The following TEKT5 variants were observed in gnomAD, a reference collection of about 807,000 sequenced individuals.
TEKT5 encodes tektin 5.
In TEKT5, 52 loss-of-function variants were observed where a neutral mutation model predicts 48.7. That is an observed-to-expected ratio of 1.07 (90% CI 0.86 to 1.35). TEKT5 has a LOEUF of 1.35. Among genes scored for constraint, TEKT5 ranks in the 40% most tolerant of loss-of-function variants. The pLI is 0.00. For missense variants in TEKT5, 831 were observed against 641.6 expected (o/e 1.30, Z -3.19); for synonymous variants, 318 against 267.6 (o/e 1.19, Z -1.84).
At chr16:10,656,716 G>C (rs1898268441) in intron 5 of TEKT5, among the ~76,000 whole-genome samples, 1 of 152,186 alleles carries the variant, frequency 6.6e-6, no homozygotes, top group Non-Finnish European at 1.5e-5. Flanking sequence ...CTCTAGAAAG[G>C]TATTCAACTG....
chr16:10,663,204 C>T (rs1025417330), intron 5 of TEKT5, among the ~76,000 whole-genome samples: 20 of 152,158 alleles, frequency 1.3e-4, no homozygotes, highest in Non-Finnish European at 2.8e-4. Flanking sequence ...CCTGGCTGGA[C>T]TAGAAATCCA....
In TEKT5 at chr16:10,646,383, T is replaced by C. The variant is rs371770978; in HGVS notation, c.1087-10465A>G. Among the ~76,000 whole-genome samples the C allele has an allele frequency of 1.6e-4, 25 of 152,270 alleles. No individual in the cohort carries two copies. In the South Asian group the frequency reaches 5.2e-3, roughly 32 times the overall value. ...ATCCTGCCCATCTCGGATTTTAAGA[T>C]AGGGGAAAACTGATTACACAGTAAA... On this transcript the variant is annotated intron_variant, in intron 5 of 6. Coordinates refer to ENST00000283025, the MANE Select transcript of TEKT5 (RefSeq NM_144674.2).
At position 10,694,733 on chromosome 16, in the gene TEKT5, G is replaced by A; in HGVS notation, c.141C>T (p.Leu47=). Residue 47 remains leucine (L), a synonymous_variant, in exon 1 of 7, where the codon CTC becomes CTT. Coordinates refer to ENST00000283025, the MANE Select transcript of TEKT5 (RefSeq NM_144674.2). Reference sequence around the variant, plus strand: ...AGAAGAGGCTAGGCCTCCATGAATTGAGGTAGCGGTACCCGGGCAGGTAGT... The same window carrying A: ...AGAAGAGGCTAGGCCTCCATGAATTAAGGTAGCGGTACCCGGGCAGGTAGT... ...QPYYLPGYRY[L]NSWRPSLFYK... The A allele has an allele frequency of 6.2e-7, 1 of 1,614,124 alleles. No homozygotes were observed. The highest frequency in any genetic ancestry group is 8.5e-7 in the Non-Finnish European group (1 of 1,179,958).
chr16:10,640,148 C>CCCT (rs1567225379), intron 5 of TEKT5, among the ~76,000 whole-genome samples: 2 of 145,970 alleles, frequency 1.4e-5, no homozygotes, highest in Admixed American at 6.9e-5. Flanking sequence ...CCCTTTCTTC[C>CCCT]CCTCCTCCTC....
chr16:10,654,322 A>T (rs1898221031), intron 5 of TEKT5, among the ~76,000 whole-genome samples: 1 of 152,166 alleles, frequency 6.6e-6, no homozygotes, highest in Non-Finnish European at 1.5e-5. Flanking sequence ...AAGTGCTGGG[A>T]TTACAGATGT....
At chr16:10,665,596 T>G (rs1224844484) in intron 5 of TEKT5, among the ~76,000 whole-genome samples, 1 of 152,136 alleles carries the variant, frequency 6.6e-6, no homozygotes, top group Admixed American at 6.5e-5. Context: ...CCTCTCCCAT[T>G]TGGCATAGTG....
rs74381031 is a variant in TEKT5 at position 10,669,628 on chromosome 16, G to C, written c.1086+6331C>G. ...ACACATATAATATTTCACCTGCCAG[G>C]GTCTAGTTCCCACAATGTCAGAATA... On this transcript the variant is annotated intron_variant, in intron 5 of 6. Transcript: ENST00000283025. 5.3e-3 allele frequency among the ~76,000 whole-genome samples: 807 copies of C among 152,146 alleles called. 9 individuals are homozygous for C. The highest frequency in any genetic ancestry group is 0.019 in the African/African-American group (771 of 41,478).
rs779755995 is a variant in TEKT5 at position 10,627,740 on chromosome 16, C to T, written c.1301G>A (p.Arg434Gln). Reference sequence around the variant, plus strand: ...CAGCTGCAGCGTGTCCTGTGTCTCCCGCAGCCGCAGCTTGAGGGTCTGCAG... The same window carrying T: ...CAGCTGCAGCGTGTCCTGTGTCTCCTGCAGCCGCAGCTTGAGGGTCTGCAG... ...DTLQTLKLRL[R>Q]ETQDTLQLLV... Residue 434 changes from arginine to glutamine, a missense_variant, in exon 7 of 7, where the codon CGG becomes CAG. Transcript: ENST00000283025. 19 of 1,614,204 alleles carry T rather than the reference C, an allele frequency of 1.2e-5. No homozygotes were observed. The highest frequency in any genetic ancestry group is 6.7e-5 in the Admixed American group (4 of 60,032).
intron 4 of TEKT5, among the ~76,000 whole-genome samples, chr16:10,680,158 C>T (rs1186852264): frequency 6.6e-6 from 1 of 152,230 alleles, no homozygotes; most frequent in Non-Finnish European, 1.5e-5. Context: ...CCCCCAAAGT[C>T]CTGCTCACCT....
chr16:10,651,886 C>G (rs1425574091), intron 5 of TEKT5, among the ~76,000 whole-genome samples: 1 of 152,078 alleles, frequency 6.6e-6, no homozygotes, highest in African/African-American at 2.4e-5. Flanking sequence ...CACTTGAACC[C>G]GGGAGGCAGA....
At chr16:10,652,408 C>G in intron 5 of TEKT5, among the ~76,000 whole-genome samples, 1 of 151,228 alleles carries the variant, frequency 6.6e-6, no homozygotes, top group Non-Finnish European at 1.5e-5. Context: ...CACACACACA[C>G]ACCCTCCAGG....
At chr16:10,675,406 A>C (rs2719709) in intron 5 of TEKT5, among the ~76,000 whole-genome samples, 76,927 of 151,948 alleles carry the variant, frequency 0.51, 21,234 homozygotes, top group East Asian at 0.81. Context: ...AGGTGTGAAA[A>C]AGCATGACGC....
At chr16:10,652,494 A>ACACACACC (rs1491427175) in intron 5 of TEKT5, among the ~76,000 whole-genome samples, 1 of 73,082 alleles carries the variant, frequency 1.4e-5, no homozygotes, top group African/African-American at 6.2e-5. Context: ...ACACACACAC[A>ACACACACC]CCCTCCAGGC....
At chr16:10,636,177 T>C (rs563467079) in intron 5 of TEKT5, among the ~76,000 whole-genome samples, 27 of 152,016 alleles carry the variant, frequency 1.8e-4, no homozygotes, top group Admixed American at 3.3e-4. Context: ...GGGTTCTAGA[T>C]CAGCCTGGCC....
intron 4 of TEKT5, among the ~76,000 whole-genome samples, chr16:10,677,126 G>A (rs1302306917): frequency 6.6e-6 from 1 of 152,166 alleles, no homozygotes; most frequent in Non-Finnish European, 1.5e-5. Context: ...AGGAGTCCGG[G>A]ACTGCAGTGA....
intron 4 of TEKT5, among the ~76,000 whole-genome samples, chr16:10,677,071 G>A (rs543258032): frequency 2.0e-5 from 3 of 152,262 alleles, no homozygotes; most frequent in Admixed American, 2.0e-4. Flanking sequence ...CATGCCTGTG[G>A]TCCCAGCTAC....
chr16:10,642,673 T>C (rs146440537), intron 5 of TEKT5, among the ~76,000 whole-genome samples: 184 of 152,320 alleles, frequency 1.2e-3, no homozygotes, highest in African/African-American at 4.1e-3. Flanking sequence ...ATTCACATTG[T>C]TGTGTCACTG....
At position 10,694,910 on chromosome 16, in the gene TEKT5, C is replaced by A. The variant is rs1329220285; in HGVS notation, c.-37G>T. 1.3e-6 allele frequency: 2 copies of A among 1,513,646 alleles called. No individual in the cohort carries two copies. The highest frequency in any genetic ancestry group is 1.3e-5 in the South Asian group (1 of 75,074). The allele number at this position is 1,513,646 out of a possible 1,614,324, so 93.8% of individuals were successfully genotyped here. A position where few individuals can be genotyped will look rare whatever the true frequency, so the allele number is the denominator to read the frequency against. ...AGCCCCACTCGGGCAAAACTCAGCTCAAGGAGCCAAAGGCATCACCAGGAA... is the reference window on the plus strand; with the variant it reads ...AGCCCCACTCGGGCAAAACTCAGCTAAAGGAGCCAAAGGCATCACCAGGAA... On this transcript the variant is annotated 5_prime_UTR_variant, in exon 1 of 7. An upstream open reading frame in the 5' UTR loses its in-frame stop. Coordinates refer to ENST00000283025, the MANE Select transcript of TEKT5 (RefSeq NM_144674.2).
intron 5 of TEKT5, among the ~76,000 whole-genome samples, chr16:10,665,125 G>A (rs1161850569): frequency 6.6e-6 from 1 of 152,170 alleles, no homozygotes; most frequent in African/African-American, 2.4e-5. Context: ...GAGGCCAGCA[G>A]ATGTCAAAGC....
Sources: gnomAD v4.1 joint callset for allele counts (sites outside exome capture counted in the v4.1 genomes callset) on GRCh38, gnomAD v4.1.1 for gene constraint, MANE v1.5 for transcripts, NCBI Gene and HGNC (gene_info 2026-07-23, HGNC 2026-07-21) for gene names.